Variants in ADRA1B observed in about 807,000 individuals in gnomAD.
ADRA1B encodes the protein alpha-1B adrenergic receptor.
A neutral mutation model predicts 17.9 loss-of-function variants in ADRA1B; 17 were observed. That is an observed-to-expected ratio of 0.95 (90% CI 0.65 to 1.42). The LOEUF (loss-of-function observed/expected upper bound fraction) is 1.42. ADRA1B is among the 40% of genes most tolerant of loss of function. ADRA1B has a pLI of 0.00. For synonymous variants in ADRA1B, 366 were observed against 327.6 expected (o/e 1.12, Z -1.27); for missense variants, 681 against 722.1 (o/e 0.94, Z 0.65).
At chr5:159,902,237 T>C (rs1366106325) in intron 1 of ADRA1B, among the ~76,000 whole-genome samples, 1 of 152,140 alleles carries the variant, frequency 6.6e-6, no homozygotes, top group East Asian at 1.9e-4. Context: ...AATAAGTCAG[T>C]CACAAAAAGG....
intron 1 of ADRA1B, 25 bp from the exon 2 acceptor site, chr5:159,971,854 G>GGGGGGGGGGGGGGGGGC: frequency 7.6e-7 from 1 of 1,311,138 alleles, no homozygotes; most frequent in Non-Finnish European, 9.8e-7. Context: ...CTTTCTGCCC[G>GGGGGGGGGGGGGGGGGC]TGCCCACCCC....
chr5:159,865,269 GT>G (rs1424716846), intron 1 of ADRA1B: 2 of 151,808 alleles, frequency 1.3e-5, no homozygotes, highest in Admixed American at 6.6e-5. Flanking sequence ...ATGTTTGGGT[GT>G]TTTTTTAAGT....
chr5:159,954,527 C>T (rs969001063), intron 1 of ADRA1B, among the ~76,000 whole-genome samples: 4 of 152,256 alleles, frequency 2.6e-5, no homozygotes, highest in African/African-American at 7.2e-5. Context: ...CACTCCATTG[C>T]GCTTGGTATG....
chr5:159,894,247 T>A (rs567042335), intron 1 of ADRA1B, among the ~76,000 whole-genome samples: 1 of 152,212 alleles, frequency 6.6e-6, no homozygotes, highest in Non-Finnish European at 1.5e-5. Context: ...ACAAATGTGA[T>A]CCCTGCCCTC....
At chr5:159,970,401 G>A (rs1002050235) in intron 1 of ADRA1B, among the ~76,000 whole-genome samples, 4 of 152,046 alleles carry the variant, frequency 2.6e-5, no homozygotes, top group Non-Finnish European at 5.9e-5. Flanking sequence ...TTTCCACGTG[G>A]TCATGCAGAC....
chr5:159,957,404 C>G lies in ADRA1B; in HGVS notation c.950-14475C>G, dbSNP rs190315594. Among the ~76,000 whole-genome samples the G allele has an allele frequency of 2.6e-4, 39 of 150,744 alleles. No individual in the cohort carries two copies. In the Admixed American group the frequency reaches 2.6e-3, roughly 10 times the overall value. On this transcript the variant is annotated intron_variant, in intron 1 of 1. Transcript: ENST00000306675. The stretch of plus-strand genomic sequence containing the variant: ...ACCTTTAGTTCAGCAACTCTGTAAG[C>G]TGAGGTGGGAGGATCACTTGAGCCC...
intron 1 of ADRA1B, among the ~76,000 whole-genome samples, chr5:159,871,542 T>C (rs779440465): frequency 2.6e-5 from 4 of 152,182 alleles, no homozygotes; most frequent in Non-Finnish European, 5.9e-5. Context: ...GCTCCTCCCC[T>C]GTGTCCTTAT....
intron 1 of ADRA1B, among the ~76,000 whole-genome samples, chr5:159,884,446 C>G (rs1318037658): frequency 6.6e-6 from 1 of 152,138 alleles, no homozygotes; most frequent in Non-Finnish European, 1.5e-5. Context: ...GTCCCCCTTC[C>G]CCTCTCTTGT....
chr5:159,905,574 C>T (rs1281866092), intron 1 of ADRA1B, among the ~76,000 whole-genome samples: 1 of 152,202 alleles, frequency 6.6e-6, no homozygotes, highest in Non-Finnish European at 1.5e-5. Flanking sequence ...GCACTAGTCC[C>T]TTGGAGGAAC....
intron 1 of ADRA1B, among the ~76,000 whole-genome samples, chr5:159,953,860 A>G (rs1369851473): frequency 6.6e-6 from 1 of 152,046 alleles, no homozygotes; most frequent in Non-Finnish European, 1.5e-5. Context: ...CCAAATTGAG[A>G]ATGGAGCATT....
At chr5:159,870,383 C>G (rs966079985) in intron 1 of ADRA1B, 1 of 152,232 alleles carries the variant, frequency 6.6e-6, no homozygotes, top group African/African-American at 2.4e-5. Flanking sequence ...TAAATGTAGA[C>G]AAGCTCTCTT....
At chr5:159,917,914 A>G (rs1396808795) in intron 1 of ADRA1B, 60 bp downstream of exon 1, 1 of 1,412,180 alleles carries the variant, frequency 7.1e-7, no homozygotes. Flanking sequence ...TTTACTGATG[A>G]GCTTACTCTA....
intron 1 of ADRA1B, among the ~76,000 whole-genome samples, chr5:159,966,990 T>C (rs1241043852): frequency 5.3e-5 from 8 of 152,204 alleles, no homozygotes; most frequent in Non-Finnish European, 1.5e-5. Flanking sequence ...ATCTTTTACA[T>C]ACTGTAAGCA....
At position 159,972,536 on chromosome 5, in the gene ADRA1B, TGGGGGGGA is replaced by T; in HGVS notation, c.*49_*56del. On this transcript the variant is annotated 3_prime_UTR_variant, in exon 2 of 2. Transcript: ENST00000306675. ...TCTTTCCCTGGGGAGGAAAACATCGTGGGGGGGAGGGGAGGGCGGGGCGGAGGGGGGAG... is the reference window on the plus strand; with the variant it reads ...TCTTTCCCTGGGGAGGAAAACATCGTGGGGAGGGCGGGGCGGAGGGGGGAG... The T allele has an allele frequency of 3.4e-5, 1 of 29,236 alleles. No individual in the cohort carries two copies. Among genetic ancestry groups the T allele is most frequent in the Non-Finnish European group, 5.4e-5 (1 of 18,646 alleles). 1.8% of individuals were successfully genotyped at this position (29,236 alleles called of 1,614,324 possible).
chr5:159,959,635 C>T (rs1755627652), intron 1 of ADRA1B, among the ~76,000 whole-genome samples: 1 of 152,150 alleles, frequency 6.6e-6, no homozygotes, highest in African/African-American at 2.4e-5. Flanking sequence ...TTACATGGCA[C>T]TGAATTATCT....
chr5:159,942,998 G>A (rs1026878508), intron 1 of ADRA1B, among the ~76,000 whole-genome samples: 1 of 152,096 alleles, frequency 6.6e-6, no homozygotes, highest in African/African-American at 2.4e-5. Flanking sequence ...GATCACCTGA[G>A]GTCAGGAGTT....
chr5:159,924,760 G>A (rs1372413825), intron 1 of ADRA1B, among the ~76,000 whole-genome samples: 7 of 152,212 alleles, frequency 4.6e-5, no homozygotes. Context: ...GAGTGTGTGT[G>A]TGGCTAGTAA....
intron 1 of ADRA1B, among the ~76,000 whole-genome samples, chr5:159,948,705 A>G (rs1277767117): frequency 6.6e-6 from 1 of 152,140 alleles, no homozygotes; most frequent in African/African-American, 2.4e-5. Flanking sequence ...AATCATATTC[A>G]CTTAGTTAAT....
intron 1 of ADRA1B, among the ~76,000 whole-genome samples, chr5:159,957,449 G>A (rs1429108244): frequency 1.3e-5 from 2 of 149,916 alleles, no homozygotes; most frequent in Non-Finnish European, 3.0e-5. Context: ...AGGCTGCAGT[G>A]AGCTGAGATC....
Sources: gnomAD v4.1 joint callset for allele counts (sites outside exome capture counted in the v4.1 genomes callset) on GRCh38, gnomAD v4.1.1 for gene constraint, MANE v1.5 for transcripts, NCBI Gene and HGNC (gene_info 2026-07-23, HGNC 2026-07-21) for gene names.